The following SHANK2 variants were observed in gnomAD, a reference collection of about 807,000 sequenced individuals.
SHANK2 encodes SH3 and multiple ankyrin repeat domains 2.
SHANK2 carries 43 observed loss-of-function variants against 133.7 expected under a neutral mutation model. That is an observed-to-expected ratio of 0.32 (90% confidence interval 0.25 to 0.41). The LOEUF is 0.41. Ranked by LOEUF, SHANK2 falls within the 10% of genes least tolerant of loss-of-function variation. The probability of loss-of-function intolerance (pLI) is 1.00; values close to 1 mark genes in which losing one functional copy is unlikely to be tolerated. For synonymous variants in SHANK2, 1,017 were observed against 952.8 expected (o/e 1.07, Z -1.24); for missense variants, 1,994 against 2,235.8 (o/e 0.89, Z 2.18).
intron 10 of SHANK2, among the ~76,000 whole-genome samples, chr11:70,921,951 A>C (rs1416355766): frequency 6.6e-6 from 1 of 152,238 alleles, no homozygotes; most frequent in Non-Finnish European, 1.5e-5. Flanking sequence ...AACAGTCAAT[A>C]GAAACAGACC....
chr11:70,860,800 G>C (rs2135500484), intron 11 of SHANK2, among the ~76,000 whole-genome samples: 1 of 152,220 alleles, frequency 6.6e-6, no homozygotes, highest in South Asian at 2.1e-4. Flanking sequence ...GGATCACTTG[G>C]GCCCAGGACC....
chr11:70,527,904 C>T (rs1045087228), intron 17 of SHANK2, among the ~76,000 whole-genome samples: 6 of 152,354 alleles, frequency 3.9e-5, no homozygotes, highest in East Asian at 3.9e-4. Flanking sequence ...CTTCACCGGG[C>T]GACCCAGACC....
Position 70,807,038 on chromosome 11 carries a change from C to T in SHANK2, c.1627G>A (p.Gly543Ser), listed in dbSNP as rs1278217962. Residue 543 changes from glycine to serine, a missense_variant, in exon 13 of 26, where the codon GGC becomes AGC. By Grantham distance (56) the Gly-to-Ser change is moderately conservative. Coordinates refer to ENST00000601538, the MANE Select transcript of SHANK2 (RefSeq NM_012309.5). The surrounding 1 kb of genome is among the most constrained non-coding windows in gnomAD (Gnocchi z 4.8). ...TCACCGCGGTGAAGGGGGATCTCGC[C>T]GTCCACTTGGGGTTGGTATGGCTTG... is the stretch of plus-strand genomic sequence containing the variant. ...AVKPYQPQVD[G>S]EIPLHRGDRV... 2.0e-5 allele frequency: 14 copies of T among 717,812 alleles called. No individual in the cohort carries two copies. Among genetic ancestry groups the T allele is most frequent in the Admixed American group, 6.0e-5 (3 of 49,942 alleles). The allele number at this position is 717,812 out of a possible 1,614,324, so 44.5% of individuals were successfully genotyped here.
At chr11:71,167,408 G>C (rs1276122595) in intron 2 of SHANK2, among the ~76,000 whole-genome samples, 6 of 145,854 alleles carry the variant, frequency 4.1e-5, no homozygotes, top group African/African-American at 1.5e-4. Context: ...CTGGCCGGGC[G>C]GGGGGCTGAC....
intron 15 of SHANK2, chr11:70,698,060 CCA>C (rs1183601357): frequency 1.3e-5 from 2 of 154,186 alleles, no homozygotes; most frequent in East Asian, 1.9e-4. Flanking sequence ...CTCAACCTCC[CCA>C]CAGAGACCCA....
chr11:70,640,842 G>A (rs1555006047), intron 17 of SHANK2, among the ~76,000 whole-genome samples: 1 of 152,208 alleles, frequency 6.6e-6, no homozygotes, highest in East Asian at 1.9e-4. Flanking sequence ...GAGCTCCTAG[G>A]AAGAATCGAG....
At chr11:70,887,683 G>T (rs1235294757) in intron 11 of SHANK2, among the ~76,000 whole-genome samples, 4 of 152,152 alleles carry the variant, frequency 2.6e-5, no homozygotes, top group Non-Finnish European at 1.5e-5. Context: ...ATCCTTTAAA[G>T]AGACTTTTTA....
chr11:70,486,523 A>G lies in SHANK2; in HGVS notation c.3770T>C (p.Leu1257Pro). The change falls in exon 25 of 26, where the codon CTG becomes CCG. Residue 1257 changes from leucine (L) to proline (P), a missense_variant. Around this residue, in one of 5 missense-constraint regions of SHANK2, gnomAD observed 797 missense variants for 907.4 expected, o/e 0.88. Transcript: ENST00000601538. This position sits in a 1 kb window ranked among gnomAD's most constrained non-coding sequence, Gnocchi z 8.0. ...GGTGACCGTAGGGAAGCCGGCATCC[A>G]GGCTGGGCCGCATTTTGGTATCAAT... is the stretch of plus-strand genomic sequence containing the variant. ...LYIDTKMRPS[L>P]DAGFPTVTRQ... The G allele has an allele frequency of 6.2e-7, 1 of 1,614,122 alleles. No homozygotes were observed. Among genetic ancestry groups the G allele is most frequent in the Non-Finnish European group, 8.5e-7 (1 of 1,180,028 alleles).
chr11:70,643,508 G>A (rs1466828008), intron 17 of SHANK2, among the ~76,000 whole-genome samples: 2 of 150,170 alleles, frequency 1.3e-5, no homozygotes, highest in Non-Finnish European at 3.0e-5. Context: ...AGCTTGCAGT[G>A]AGCTGAGATC....
In SHANK2 at chr11:70,814,964, A is replaced by C. The variant is rs868916323; in HGVS notation, c.1493+5400T>G. ...CAGCTGGGAGAGACCCAGAAGGAACAGGGATGCCCCCACCCCACACACTCC... is the reference window on the plus strand; with the variant it reads ...CAGCTGGGAGAGACCCAGAAGGAACCGGGATGCCCCCACCCCACACACTCC... On this transcript the variant is annotated intron_variant, in intron 12 of 25. Transcript: ENST00000601538. 1.2e-3 allele frequency among the ~76,000 whole-genome samples: 179 copies of C among 152,288 alleles called. 4 individuals are homozygous for C. In the Middle Eastern group the frequency reaches 0.02, roughly 17 times the overall value.
At chr11:70,915,857 T>C (rs1212874673) in intron 10 of SHANK2, among the ~76,000 whole-genome samples, 1 of 152,224 alleles carries the variant, frequency 6.6e-6, no homozygotes, top group Admixed American at 6.5e-5. Flanking sequence ...ACTTGACTTA[T>C]GACACTCAGG....
At chr11:70,817,365 G>C (rs782725696) in intron 12 of SHANK2, among the ~76,000 whole-genome samples, 5 of 152,212 alleles carry the variant, frequency 3.3e-5, no homozygotes, top group Non-Finnish European at 7.3e-5. Context: ...TATGGACAGG[G>C]AGGCTGTGAA....
intron 11 of SHANK2, among the ~76,000 whole-genome samples, chr11:70,851,675 C>A (rs951798799): frequency 1.3e-5 from 2 of 152,194 alleles, no homozygotes; most frequent in African/African-American, 4.8e-5. Context: ...ATGGAAAAGA[C>A]AAACTTTTTA....
intron 17 of SHANK2, among the ~76,000 whole-genome samples, chr11:70,591,108 G>C (rs1591619929): frequency 6.6e-6 from 1 of 152,116 alleles, no homozygotes; most frequent in African/African-American, 2.4e-5. Flanking sequence ...TTGGGAGGCC[G>C]AGGTGGGCGG....
chr11:70,698,925 C>T (rs959810952), intron 14 of SHANK2, among the ~76,000 whole-genome samples, 162 bp from the exon 15 acceptor site: 13 of 152,160 alleles, frequency 8.5e-5, no homozygotes, highest in African/African-American at 2.7e-4. Flanking sequence ...GGTTCTGGGG[C>T]TCAACTTTGT....
chr11:70,922,960 G>T (rs1486463620), intron 10 of SHANK2, among the ~76,000 whole-genome samples: 2 of 149,742 alleles, frequency 1.3e-5, no homozygotes, highest in Non-Finnish European at 3.0e-5. Context: ...AGATAAATTT[G>T]AAAAAAAAAT....
chr11:71,168,835 ACACTTCTAAAAGTAATCAATATT>A (rs1953247023), intron 2 of SHANK2, among the ~76,000 whole-genome samples: 1 of 127,012 alleles, frequency 7.9e-6, no homozygotes, highest in African/African-American at 2.9e-5. Flanking sequence ...GAGAGGGCCC[ACACTTCTAAAAGTAATCAATATT>A]CACAACAGTG....
At chr11:70,525,958 C>A (rs2059390602) in intron 17 of SHANK2, among the ~76,000 whole-genome samples, 1 of 152,064 alleles carries the variant, frequency 6.6e-6, no homozygotes, top group Non-Finnish European at 1.5e-5. Context: ...AGCCAGCAGG[C>A]CTCTCTCAGG....
intron 8 of SHANK2, among the ~76,000 whole-genome samples, chr11:71,079,904 G>A (rs1218324534): frequency 1.1e-5 from 1 of 87,534 alleles, no homozygotes; most frequent in South Asian, 6.2e-4. Flanking sequence ...AGGAAGGGGA[G>A]GGGAGGGGAA....
Sources: allele counts gnomAD v4.1 joint callset (sites outside exome capture counted in the v4.1 genomes callset), GRCh38; gene constraint gnomAD v4.1.1; regional missense constraint gnomAD v4.1.1; non-coding constraint Gnocchi (gnomAD v3.1); transcripts MANE v1.5; gene names NCBI Gene and HGNC (gene_info 2026-07-23, HGNC 2026-07-21).